The following FHL2 variants were observed in gnomAD, a reference collection of about 807,000 sequenced individuals.
FHL2 encodes the protein four and a half LIM domains 2, also known as four and a half LIM domains protein 2.
In FHL2, 20 loss-of-function variants were observed where a neutral mutation model predicts 32.7. The observed-to-expected ratio is 0.61, with a 90% confidence interval of 0.43 to 0.89. The LOEUF is 0.89. FHL2 is among the 40% of genes least tolerant of loss of function. FHL2 has a pLI of 0.00. For missense variants in FHL2, 311 were observed against 358.6 expected, an observed-to-expected ratio of 0.87 and a Z score of 1.07; for synonymous variants, 123 against 128.1, an observed-to-expected ratio of 0.96 and a Z score of 0.27.
At chr2:105,395,240 A>T (rs1276657279) in intron 2 of FHL2, among the ~76,000 whole-genome samples, 5 of 152,260 alleles carry the variant, frequency 3.3e-5, no homozygotes, top group Non-Finnish European at 7.3e-5. Flanking sequence ...CCATAGCTGC[A>T]CACGCTAGAA....
chr2:105,360,314 A>AG (rs1680168874), downstream of FHL2: 1 of 151,756 alleles, frequency 6.6e-6, no homozygotes, highest in Admixed American at 6.6e-5. Flanking sequence ...AAAAAAAAAA[A>AG]AAAAAGGGAG....
At position 105,361,372 on chromosome 2, in the gene FHL2, A is replaced by T. The variant is rs1680246975; in HGVS notation, c.751T>A (p.Cys251Ser). ...ERQWHNDCFN[C>S]KKCSLSLVGR... Reference sequence around the variant, plus strand: ...ACCAGTGAGAGGGAGCACTTCTTACAGTTAAAGCAGTCGTTATGCCACTGC... The same window carrying T: ...ACCAGTGAGAGGGAGCACTTCTTACTGTTAAAGCAGTCGTTATGCCACTGC... Residue 251 changes from cysteine (C) to serine (S), a missense_variant, in exon 7 of 7, where the codon TGT becomes AGT. Coordinates refer to ENST00000530340, the MANE Select transcript of FHL2 (RefSeq NM_001318895.3). 1 of 1,614,188 alleles carries T rather than the reference A, an allele frequency of 6.2e-7. No individual in the cohort carries two copies. Among genetic ancestry groups the T allele is most frequent in the Admixed American group, 1.7e-5 (1 of 60,032 alleles).
intron 1 of FHL2, among the ~76,000 whole-genome samples, chr2:105,426,745 G>A (rs566130803): frequency 7.9e-5 from 12 of 152,306 alleles, no homozygotes; most frequent in African/African-American, 1.2e-4. Context: ...GAGAACACAC[G>A]CACAGCAACA....
chr2:105,368,289 A>C (rs1356962669), intron 4 of FHL2, among the ~76,000 whole-genome samples: 1 of 152,238 alleles, frequency 6.6e-6, no homozygotes, highest in East Asian at 1.9e-4. Context: ...GTATCTAGGT[A>C]GTTTTATGCA....
chr2:105,364,319 C>T (rs555463808), intron 5 of FHL2, among the ~76,000 whole-genome samples: 7 of 152,280 alleles, frequency 4.6e-5, no homozygotes, highest in East Asian at 3.9e-4. Context: ...ATGCCACTCA[C>T]GAGCCTGTCT....
chr2:105,396,523 G>A (rs1164715289), intron 2 of FHL2, 124 bp downstream of exon 2: 1 of 809,048 alleles, frequency 1.2e-6, no homozygotes. Context: ...GACACACCCA[G>A]AACATATGAC....
intron 2 of FHL2, among the ~76,000 whole-genome samples, chr2:105,392,283 G>C (rs183329860): frequency 5.3e-5 from 8 of 152,232 alleles, no homozygotes; most frequent in Admixed American, 2.0e-4. Flanking sequence ...GACCAGCCTG[G>C]GCAACATGGA....
chr2:105,377,348 T>G (rs1558693878), intron 3 of FHL2, among the ~76,000 whole-genome samples: 1 of 152,192 alleles, frequency 6.6e-6, no homozygotes, highest in East Asian at 1.9e-4. Context: ...AAGTAAGTTT[T>G]GGCCAGGCGA....
chr2:105,398,985 C>T lies in FHL2; in HGVS notation c.-219G>A. 6.6e-7 allele frequency: 1 copy of T among 1,507,784 alleles called. No homozygotes were observed. The highest frequency in any genetic ancestry group is 2.8e-5 in the East Asian group (1 of 36,286). 93.4% of individuals were successfully genotyped at this position (1,507,784 alleles called of 1,614,324 possible). A position where few individuals can be genotyped will look rare whatever the true frequency, so the allele number is the denominator to read the frequency against. On this transcript the variant is annotated 5_prime_UTR_variant, in exon 1 of 7. Transcript: ENST00000530340. ...AGGTACTCACGGCACCGCAGCGGGCCGGGGACTCCCGGACGGGGCTGGAGG... is the reference window on the plus strand; with the variant it reads ...AGGTACTCACGGCACCGCAGCGGGCTGGGGACTCCCGGACGGGGCTGGAGG...
intron 1 of FHL2, among the ~76,000 whole-genome samples, chr2:105,438,133 G>C (rs1684667029): frequency 6.6e-6 from 1 of 152,198 alleles, no homozygotes. Flanking sequence ...TTCCCAATGA[G>C]CAGGGGTTCT....
At chr2:105,422,444 A>G (rs535005645) in intron 1 of FHL2, among the ~76,000 whole-genome samples, 4 of 152,184 alleles carry the variant, frequency 2.6e-5, no homozygotes, top group African/African-American at 9.7e-5. Flanking sequence ...GGAATAGTGG[A>G]TCACATATAA....
intron 2 of FHL2, among the ~76,000 whole-genome samples, chr2:105,389,476 C>T (rs967785154): frequency 2.0e-5 from 3 of 152,092 alleles, no homozygotes; most frequent in Admixed American, 6.6e-5. Context: ...CCATTCCATG[C>T]CCACAAACAT....
At chr2:105,357,943 C>T (rs1680082027), downstream of FHL2, 1 of 152,132 alleles carries the variant, frequency 6.6e-6, no homozygotes, top group African/African-American at 2.4e-5. Flanking sequence ...CTGTGTATGC[C>T]TTAGAGAATG....
chr2:105,437,427 T>A (rs1220469214), intron 1 of FHL2, among the ~76,000 whole-genome samples: 2 of 152,218 alleles, frequency 1.3e-5, no homozygotes, highest in Non-Finnish European at 2.9e-5. Flanking sequence ...TAAAATATTA[T>A]GTATCGATAA....
At position 105,382,215 on chromosome 2, in the gene FHL2, ATT is replaced by A. The variant is rs141639755; in HGVS notation, c.156+4144_156+4145del. On this transcript the variant is annotated intron_variant, in intron 3 of 6. Coordinates refer to ENST00000530340, the MANE Select transcript of FHL2 (RefSeq NM_001318895.3). ...AGTTTGTGAAACAACTTGAGCCTCA[ATT>A]CTGCAATGTAATCATCACCATCTAA... 4.5e-4 allele frequency among the ~76,000 whole-genome samples: 68 copies of A among 152,348 alleles called. 1 individual carries two copies. The East Asian group carries it at 0.013, about 29-fold the overall frequency.
At chr2:105,402,094 C>CACGTATATATACATATATATAT (rs1389026925), upstream of FHL2, among the ~76,000 whole-genome samples, 3 of 117,634 alleles carry the variant, frequency 2.6e-5, no homozygotes, top group East Asian at 6.9e-4. Context: ...TGTATATATA[C>CACGTATATATACATATATATAT]GTGTATATAT....
chr2:105,396,733 A>T, intron 1 of FHL2, 36 bp from the exon 2 acceptor site: 1 of 1,605,930 alleles, frequency 6.2e-7, no homozygotes, highest in Admixed American at 1.7e-5. Context: ...TCAGATGGTC[A>T]TCTTGAGGAA....
chr2:105,399,467 G>A, upstream of FHL2: 2 of 1,536,188 alleles, frequency 1.3e-6, no homozygotes, highest in Non-Finnish European at 1.7e-6. Flanking sequence ...CATGTGCCTG[G>A]GATATATTTG....
At chr2:105,401,940 T>A (rs1451121457), upstream of FHL2, among the ~76,000 whole-genome samples, 1 of 151,846 alleles carries the variant, frequency 6.6e-6, no homozygotes, top group African/African-American at 2.4e-5. Context: ...CACATTTTTA[T>A]TTCTTGTAAA....
Sources: gnomAD v4.1 joint callset for allele counts (sites outside exome capture counted in the v4.1 genomes callset) on GRCh38, gnomAD v4.1.1 for gene constraint, MANE v1.5 for transcripts, NCBI Gene and HGNC (gene_info 2026-07-23, HGNC 2026-07-21) for gene names.